NTNG1: variants seen among roughly 807,000 people sequenced by gnomAD.
The protein encoded by NTNG1 is netrin G1, also known as netrin-G1.
A neutral mutation model predicts 54.0 loss-of-function variants in NTNG1; 16 were observed. The observed-to-expected ratio is 0.30, with a 90% CI of 0.20 to 0.45. The LOEUF is 0.45. NTNG1 is among the 20% of genes least tolerant of loss of function. The pLI is 1.00. For missense variants in NTNG1, 530 were observed against 678.7 expected (o/e 0.78, Z 2.43); for synonymous variants, 255 against 263.1 (o/e 0.97, Z 0.30).
intron 2 of NTNG1, among the ~76,000 whole-genome samples, chr1:107,297,242 TATATGC>T (rs1394403167): frequency 0.025 from 632 of 25,048 alleles, 36 homozygotes; most frequent in African/African-American, 0.066. Flanking sequence ...TATATATATA[TATATGC>T]GCACACACAC....
At chr1:107,373,570 CTTT>C (rs572377349) in intron 3 of NTNG1, among the ~76,000 whole-genome samples, 2 of 136,078 alleles carry the variant, frequency 1.5e-5, no homozygotes, top group Non-Finnish European at 3.2e-5. Context: ...GTATGTTATC[CTTT>C]TTTTTTTTTT....
chr1:107,328,546 T>A (rs1188985500), intron 3 of NTNG1, among the ~76,000 whole-genome samples: 1 of 152,026 alleles, frequency 6.6e-6, no homozygotes, highest in South Asian at 2.1e-4. Context: ...GTTCTGAACA[T>A]CTTTTTATAC....
intron 2 of NTNG1, among the ~76,000 whole-genome samples, chr1:107,163,717 C>G (rs778241058): frequency 2.6e-5 from 4 of 152,058 alleles, no homozygotes; most frequent in Non-Finnish European, 5.9e-5. Context: ...TATATTGGCT[C>G]GGTGTTTTAA....
In NTNG1 at chr1:107,482,035, C is replaced by G. The variant is rs1678745995; in HGVS notation, c.*1195C>G. ...TCTGCAAAATATGAGACTATTTCCA[C>G]TTGGGAAAAATTACAACAGCAAAAA... On this transcript the variant is annotated 3_prime_UTR_variant, in exon 8 of 8. Transcript: ENST00000370068. 2.3e-5 allele frequency: 2 copies of G among 88,098 alleles called. No homozygotes were observed. Among genetic ancestry groups the G allele is most frequent in the African/African-American group, 8.3e-5 (2 of 24,092 alleles). 5.5% of individuals were successfully genotyped at this position (88,098 alleles called of 1,614,324 possible). A position where few individuals can be genotyped will look rare whatever the true frequency, so the allele number is the denominator to read the frequency against.
chr1:107,389,580 C>T (rs1231449480), intron 3 of NTNG1, among the ~76,000 whole-genome samples: 1 of 152,204 alleles, frequency 6.6e-6, no homozygotes, highest in African/African-American at 2.4e-5. Context: ...AAAGCGAGAA[C>T]ACACTGGTGT....
At chr1:107,200,140 C>T (rs1024233545) in intron 2 of NTNG1, among the ~76,000 whole-genome samples, 1 of 151,740 alleles carries the variant, frequency 6.6e-6, no homozygotes, top group African/African-American at 2.4e-5. Context: ...TCCTTTCTTT[C>T]ACCATAATCT....
chr1:107,152,057 CACATATATACAT>C (rs1309597163), intron 2 of NTNG1, among the ~76,000 whole-genome samples: 4 of 151,180 alleles, frequency 2.6e-5, no homozygotes, highest in Non-Finnish European at 5.9e-5. Context: ...TACATATATA[CACATATATACAT>C]ACATATATAC....
chr1:107,264,900 A>T (rs1030019637), intron 2 of NTNG1, among the ~76,000 whole-genome samples: 7 of 152,182 alleles, frequency 4.6e-5, no homozygotes, highest in African/African-American at 1.7e-4. Flanking sequence ...TTGATCAAAT[A>T]TGCAGGAAGG....
At position 107,141,093 on chromosome 1, in the gene NTNG1, C is replaced by T. The variant is rs72979530; in HGVS notation, c.-573C>T. 0.047 allele frequency: 7,109 copies of T among 152,526 alleles called. 210 individuals carry two copies. The highest frequency in any genetic ancestry group is 0.082 in the African/African-American group (3,404 of 41,494). 9.4% of individuals were successfully genotyped at this position (152,526 alleles called of 1,614,324 possible). A position where few individuals can be genotyped will look rare whatever the true frequency, so the allele number is the denominator to read the frequency against. On this transcript the variant is annotated 5_prime_UTR_variant, in exon 1 of 8. Coordinates refer to ENST00000370068, the MANE Select transcript of NTNG1 (RefSeq NM_001113226.3). ...GAATTCCCCCTCTGGGTGCGGGCTC[C>T]GAGAGGGGGCGACTTGCAGGAGGCT...
chr1:107,433,406 C>T (rs557026310), intron 6 of NTNG1, among the ~76,000 whole-genome samples: 2 of 152,154 alleles, frequency 1.3e-5, no homozygotes, highest in South Asian at 2.1e-4. Context: ...ATTAGCTGAG[C>T]GTGGTGGCCT....
At chr1:107,310,793 A>T (rs1666963743) in intron 2 of NTNG1, among the ~76,000 whole-genome samples, 1 of 152,090 alleles carries the variant, frequency 6.6e-6, no homozygotes, top group Admixed American at 6.6e-5. Flanking sequence ...CCTGAAATAC[A>T]CTACCCATGT....
intron 5 of NTNG1, among the ~76,000 whole-genome samples, chr1:107,412,765 C>A (rs1419724161): frequency 6.6e-6 from 1 of 152,076 alleles, no homozygotes; most frequent in Non-Finnish European, 1.5e-5. Flanking sequence ...CCTCTACCAC[C>A]AAACATCTTC....
intron 7 of NTNG1, among the ~76,000 whole-genome samples, chr1:107,442,450 T>A (rs918070443): frequency 6.6e-6 from 1 of 152,082 alleles, no homozygotes; most frequent in Non-Finnish European, 1.5e-5. Context: ...CCAACTTGAC[T>A]ATCAAACGCT....
intron 1 of NTNG1, among the ~76,000 whole-genome samples, chr1:107,144,486 G>A (rs1653966443): frequency 6.6e-6 from 1 of 152,038 alleles, no homozygotes; most frequent in African/African-American, 2.4e-5. Context: ...TACTGATAAT[G>A]TCTTCCTCTC....
chr1:107,180,517 C>G (rs191291090), intron 2 of NTNG1, among the ~76,000 whole-genome samples: 14 of 152,228 alleles, frequency 9.2e-5, no homozygotes, highest in African/African-American at 3.4e-4. Context: ...GATTTTAAAA[C>G]TGTGATCAAG....
chr1:107,445,818 T>G (rs509535), intron 7 of NTNG1, among the ~76,000 whole-genome samples: 2 of 152,008 alleles, frequency 1.3e-5, no homozygotes, highest in African/African-American at 4.8e-5. Flanking sequence ...AATGAAAGAG[T>G]GTAGCTGTGT....
At chr1:107,204,441 T>G (rs750261266) in intron 2 of NTNG1, among the ~76,000 whole-genome samples, 1 of 152,144 alleles carries the variant, frequency 6.6e-6, no homozygotes, top group Non-Finnish European at 1.5e-5. Flanking sequence ...CACTACCATG[T>G]GAATGACCAC....
At chr1:107,426,748 A>G (rs1014858236) in intron 5 of NTNG1, among the ~76,000 whole-genome samples, 1 of 152,042 alleles carries the variant, frequency 6.6e-6, no homozygotes, top group African/African-American at 2.4e-5. Flanking sequence ...TAGGAATTGC[A>G]CTGAATTTTA....
At chr1:107,413,269 T>G (rs1239988015) in intron 5 of NTNG1, among the ~76,000 whole-genome samples, 1 of 151,874 alleles carries the variant, frequency 6.6e-6, no homozygotes, top group Non-Finnish European at 1.5e-5. Flanking sequence ...TTCACGCCAT[T>G]CTCCCACCTC....
Sources: gnomAD v4.1 joint callset for allele counts (sites outside exome capture counted in the v4.1 genomes callset) on GRCh38, gnomAD v4.1.1 for gene constraint, MANE v1.5 for transcripts, NCBI Gene and HGNC (gene_info 2026-07-23, HGNC 2026-07-21) for gene names.